PLEKHA6: variants seen among roughly 807,000 people sequenced by gnomAD.
The protein encoded by PLEKHA6 is pleckstrin homology domain-containing family A member 6.
Under a neutral mutation model 116.7 loss-of-function variants are expected in PLEKHA6, and 60 were observed. The observed-to-expected ratio is 0.51, with a 90% CI of 0.42 to 0.64. PLEKHA6 has a LOEUF of 0.64. Among genes scored for constraint, PLEKHA6 ranks in the 30% least tolerant of loss-of-function variants. The pLI is 0.00. For missense variants in PLEKHA6, 1,338 were observed against 1,422.7 expected (o/e 0.94, Z 0.96); for synonymous variants, 489 against 556.1 (o/e 0.88, Z 1.70).
upstream of PLEKHA6, among the ~76,000 whole-genome samples, chr1:204,364,745 G>A (rs985128761): frequency 1.3e-5 from 2 of 152,122 alleles, no homozygotes; most frequent in East Asian, 1.9e-4. Context: ...ACTGGTTCTC[G>A]AAGTGTGGGC....
intron 13 of PLEKHA6, 82 bp downstream of exon 13, chr1:204,247,283 G>A (rs1006982612): frequency 1.6e-5 from 13 of 822,688 alleles, no homozygotes; most frequent in Admixed American, 1.5e-4. Context: ...ATCAATGGCC[G>A]GAACCTTTGC....
Position 204,259,443 on chromosome 1 carries a change from G to GT in PLEKHA6, c.821dup (p.Tyr274Ter). 1 of 1,614,206 alleles carries GT rather than the reference G, an allele frequency of 6.2e-7. No individual in the cohort carries two copies. Among genetic ancestry groups the GT allele is most frequent in the Non-Finnish European group, 8.5e-7 (1 of 1,180,030 alleles). The change falls in exon 8 of 23, where the codon TAC (tyrosine) becomes TAAC (stop). Residue 274 changes from tyrosine to a stop codon, truncating the protein, a stop_gained and frameshift_variant. Coordinates refer to ENST00000272203, the MANE Select transcript of PLEKHA6 (RefSeq NM_014935.5). LOFTEE classifies it high-confidence loss of function. The surrounding 1 kb of genome is among the most constrained non-coding windows in gnomAD (Gnocchi z 4.6). ...EQPAQPNGWQYHSPSRPGSTA... is the reference protein window; with the variant it reads ...EQPAQPNGWQ Reference sequence around the variant, plus strand: ...TGCTCCCTGGCCGGCTTGGGGAGTGGTACTGCCAGCCATTGGGCTGGGCAG... The same window carrying GT: ...TGCTCCCTGGCCGGCTTGGGGAGTGGTTACTGCCAGCCATTGGGCTGGGCAG...
chr1:204,344,332 G>T (rs980043881), intron 1 of PLEKHA6, among the ~76,000 whole-genome samples: 23 of 152,114 alleles, frequency 1.5e-4, no homozygotes, highest in Admixed American at 2.6e-4. Flanking sequence ...AGGCTTGGTG[G>T]CTCACGCCTG....
At chr1:204,355,973 G>GCACACA (rs762932253) in intron 1 of PLEKHA6, among the ~76,000 whole-genome samples, 1 of 71,572 alleles carries the variant, frequency 1.4e-5, no homozygotes, top group South Asian at 4.4e-4. Context: ...GATGCTCATG[G>GCACACA]CACACACACA....
chr1:204,343,590 A>G (rs1407123520), intron 1 of PLEKHA6, among the ~76,000 whole-genome samples: 1 of 152,228 alleles, frequency 6.6e-6, no homozygotes, highest in Non-Finnish European at 1.5e-5. Context: ...AAGTGAGCCC[A>G]GAAAAGGATG....
intron 1 of PLEKHA6, among the ~76,000 whole-genome samples, chr1:204,356,712 A>G (rs1673426908): frequency 6.6e-6 from 1 of 152,186 alleles, no homozygotes; most frequent in South Asian, 2.1e-4. Flanking sequence ...ATCTAGACAT[A>G]CACTCATGCA....
intron 1 of PLEKHA6, among the ~76,000 whole-genome samples, chr1:204,328,399 CTTTT>C (rs796534954): frequency 7.9e-6 from 1 of 125,870 alleles, no homozygotes; most frequent in African/African-American, 2.9e-5. Context: ...AATTTTCTTT[CTTTT>C]TTTTTTTTTT....
rs894935068 is a variant in PLEKHA6 at position 204,257,596 on chromosome 1, G to A, written c.1281C>T (p.Pro427=). 5.6e-6 allele frequency: 9 copies of A among 1,609,338 alleles called. No individual in the cohort carries two copies. Among genetic ancestry groups the A allele is most frequent in the South Asian group, 5.5e-5 (5 of 90,280 alleles). Reference sequence around the variant, plus strand: ...CATCATAATAGACTGGCTGCCGGGAGGGGCTTGGGATCCAGACGGTGGCAT... The same window carrying A: ...CATCATAATAGACTGGCTGCCGGGAAGGGCTTGGGATCCAGACGGTGGCAT... ...RQDATVWIPS[P]SRQPVYYDEL... The change falls in exon 9 of 23, where the codon CCC becomes CCT. Residue 427 remains proline, a synonymous_variant. Transcript: ENST00000272203. This position sits in a 1 kb window ranked among gnomAD's most constrained non-coding sequence, Gnocchi z 6.5.
chr1:204,345,903 A>G (rs1673025332), intron 1 of PLEKHA6, among the ~76,000 whole-genome samples: 1 of 152,258 alleles, frequency 6.6e-6, no homozygotes, highest in South Asian at 2.1e-4. Context: ...ACATCTGAAC[A>G]CACACAAGAA....
upstream of PLEKHA6, among the ~76,000 whole-genome samples, chr1:204,362,015 C>G (rs546686806): frequency 6.6e-6 from 1 of 152,330 alleles, no homozygotes; most frequent in East Asian, 1.9e-4. Flanking sequence ...ACGAGTCCCA[C>G]GGATCCTTCG....
chr1:204,288,532 C>T (rs1669432737), intron 1 of PLEKHA6, among the ~76,000 whole-genome samples: 1 of 152,154 alleles, frequency 6.6e-6, no homozygotes, highest in African/African-American at 2.4e-5. Context: ...GAACTGGGAT[C>T]TGGGGGAGGG....
intron 1 of PLEKHA6, among the ~76,000 whole-genome samples, chr1:204,331,229 C>T (rs1401546306): frequency 6.7e-6 from 1 of 149,064 alleles, no homozygotes; most frequent in East Asian, 2.0e-4. Flanking sequence ...AAGGAATGAG[C>T]ATCTCAGCCA....
At chr1:204,348,533 G>A (rs191736045) in intron 1 of PLEKHA6, among the ~76,000 whole-genome samples, 2 of 152,182 alleles carry the variant, frequency 1.3e-5, no homozygotes, top group African/African-American at 4.8e-5. Flanking sequence ...AATTCACACA[G>A]CATGGCTGAA....
rs1333242840 is a variant in PLEKHA6 at position 204,221,506 on chromosome 1, C to T, written c.*1282G>A. On this transcript the variant is annotated 3_prime_UTR_variant, in exon 23 of 23. Coordinates refer to ENST00000272203, the MANE Select transcript of PLEKHA6 (RefSeq NM_014935.5). Reference sequence around the variant, plus strand: ...CCGGGGCAGGTGGATCATGAGAGCGCCTAGCCTCAGCCAGTCCTCGTCTGG... The same window carrying T: ...CCGGGGCAGGTGGATCATGAGAGCGTCTAGCCTCAGCCAGTCCTCGTCTGG... The T allele has an allele frequency of 1.3e-5, 2 of 152,652 alleles. No homozygotes were observed. The highest frequency in any genetic ancestry group is 2.9e-5 in the Non-Finnish European group (2 of 68,042). The allele number at this position is 152,652 out of a possible 1,614,324, so 9.5% of individuals were successfully genotyped here. A position where few individuals can be genotyped will look rare whatever the true frequency, so the allele number is the denominator to read the frequency against.
chr1:204,274,201 A>G (rs180816156), intron 2 of PLEKHA6, among the ~76,000 whole-genome samples: 51 of 152,222 alleles, frequency 3.4e-4, no homozygotes, highest in Non-Finnish European at 2.8e-4. Flanking sequence ...CAAAATGCTG[A>G]GATTACAGGC....
intron 1 of PLEKHA6, among the ~76,000 whole-genome samples, chr1:204,319,845 A>T (rs571903011): frequency 3.3e-5 from 5 of 151,804 alleles, no homozygotes; most frequent in Non-Finnish European, 7.4e-5. Flanking sequence ...GAAGGGAGAA[A>T]GGGACAGGGC....
In PLEKHA6 at chr1:204,259,809, A is replaced by C. The variant is rs1665879925; in HGVS notation, c.525-69T>G. On this transcript the variant is annotated intron_variant, in intron 7 of 22. Coordinates refer to ENST00000272203, the MANE Select transcript of PLEKHA6 (RefSeq NM_014935.5). This position sits in a 1 kb window ranked among gnomAD's most constrained non-coding sequence, Gnocchi z 4.6. Reference sequence around the variant, plus strand: ...CATGGAGTGGGGCAGGGGGTGCCAGACTGGGAAGAAGAGGAGTGGGGAAGG... The same window carrying C: ...CATGGAGTGGGGCAGGGGGTGCCAGCCTGGGAAGAAGAGGAGTGGGGAAGG... 6.7e-7 allele frequency: 1 copy of C among 1,499,450 alleles called. No homozygotes were observed. The highest frequency in any genetic ancestry group is 8.9e-7 in the Non-Finnish European group (1 of 1,121,610). 92.9% of individuals were successfully genotyped at this position (1,499,450 alleles called of 1,614,324 possible). A position where few individuals can be genotyped will look rare whatever the true frequency, so the allele number is the denominator to read the frequency against.
chr1:204,302,911 A>G (rs12739246), intron 1 of PLEKHA6, among the ~76,000 whole-genome samples: 2 of 152,084 alleles, frequency 1.3e-5, no homozygotes, highest in African/African-American at 4.8e-5. Context: ...AAAGAAAACC[A>G]CTGCCTGTCA....
rs143688786 is a variant in PLEKHA6, at chr1:204,229,008, G to C, written c.2680C>G (p.Arg894Gly). The part of the protein sequence containing the change: ...EPGGHAYETP[R>G]EEIARLRKME... The stretch of plus-strand genomic sequence containing the variant: ...TTGCGAAGCCGGGCAATTTCCTCCC[G>C]GGGTGTCTCGTAGGCATGCCCGCCA... Residue 894 changes from arginine (R) to glycine (G), a missense_variant, in exon 19 of 23, where the codon CGG becomes GGG. Arg to Gly is a moderately radical substitution (Grantham distance 125). Transcript: ENST00000272203. The C allele has an allele frequency of 5.1e-5, 82 of 1,614,050 alleles. No individual in the cohort carries two copies. Among genetic ancestry groups the C allele is most frequent in the Non-Finnish European group, 6.8e-5 (80 of 1,180,026 alleles).
Sources: gnomAD v4.1 joint callset for allele counts (sites outside exome capture counted in the v4.1 genomes callset) on GRCh38, gnomAD v4.1.1 for gene constraint, Gnocchi (gnomAD v3.1) non-coding constraint, MANE v1.5 for transcripts, NCBI Gene and HGNC (gene_info 2026-07-23, HGNC 2026-07-21) for gene names.